PLCB1: variants seen among roughly 807,000 people sequenced by gnomAD.
PLCB1 encodes the protein 1-phosphatidylinositol 4,5-bisphosphate phosphodiesterase beta-1.
In PLCB1, 46 loss-of-function variants were observed where a neutral mutation model predicts 161.8. The ratio of observed to expected loss-of-function variants is 0.28; its 90% CI spans 0.22 to 0.36. The LOEUF (loss-of-function observed/expected upper bound fraction) is 0.36. PLCB1 is among the 10% of genes least tolerant of loss of function. The probability of loss-of-function intolerance (pLI) is 1.00; values close to 1 mark genes in which losing one functional copy is unlikely to be tolerated. For missense variants in PLCB1, 1,016 were observed against 1,472.5 expected (o/e 0.69, Z 5.07); for synonymous variants, 517 against 503.7 (o/e 1.03, Z -0.35).
In PLCB1 at chr20:8,697,623, T is replaced by C; in HGVS notation, c.1010-3T>C. ...TGGGGTTTGTTTTGTTGGTGTTTTA[T>C]AGCTGGCCAACTGGCTGGAAACTCC... is the stretch of plus-strand genomic sequence containing the variant. On this transcript the variant is annotated splice_region_variant and splice_polypyrimidine_tract_variant and intron_variant, in intron 10 of 31. Coordinates refer to ENST00000338037, the MANE Select transcript of PLCB1 (RefSeq NM_015192.4). The C allele has an allele frequency of 6.2e-7, 1 of 1,614,056 alleles. No individual in the cohort carries two copies. The highest frequency in any genetic ancestry group is 8.5e-7 in the Non-Finnish European group (1 of 1,179,930).
intron 31 of PLCB1, among the ~76,000 whole-genome samples, chr20:8,852,095 A>G (rs1986909190): frequency 1.3e-5 from 2 of 152,258 alleles, no homozygotes; most frequent in African/African-American, 4.8e-5. Flanking sequence ...GTTGCAAAAT[A>G]GGCTGCTGTC....
intron 2 of PLCB1, among the ~76,000 whole-genome samples, chr20:8,197,662 C>A (rs6055629): frequency 0.6 from 91,749 of 151,866 alleles, 29,671 homozygotes; most frequent in African/African-American, 0.86. Context: ...TCTTTAGTTT[C>A]ATTAGATCCC....
rs1370024637 is a variant in PLCB1, at chr20:8,741,472, G to A, written c.2422G>A (p.Glu808Lys). The change falls in exon 23 of 32, where the codon GAA (glutamate) becomes AAA (lysine). Residue 808 changes from glutamate (E) to lysine (K), a missense_variant. Physicochemically the swap from Glu to Lys is moderately conservative, Grantham distance 56 (BLOSUM62 1). Transcript: ENST00000338037. ...ATCTCTTCCCTATTTAGATGTCATCGAAGCTTTATCAAACCCAATCCGATA... is the reference window on the plus strand; with the variant it reads ...ATCTCTTCCCTATTTAGATGTCATCAAAGCTTTATCAAACCCAATCCGATA... The part of the protein sequence containing the change: ...YVPDTYADVI[E>K]ALSNPIRYVN... 5 of 1,611,730 alleles carry A rather than the reference G, an allele frequency of 3.1e-6. No individual in the cohort carries two copies. The highest frequency in any genetic ancestry group is 4.2e-6 in the Non-Finnish European group (5 of 1,178,038).
chr20:8,482,940 AG>A (rs1358632645), intron 3 of PLCB1, among the ~76,000 whole-genome samples: 1 of 151,830 alleles, frequency 6.6e-6, no homozygotes, highest in African/African-American at 2.4e-5. Context: ...CCTCTGCTGA[AG>A]TGGGATAGTT....
chr20:8,415,258 G>A (rs888366995), intron 3 of PLCB1, among the ~76,000 whole-genome samples: 1 of 152,126 alleles, frequency 6.6e-6, no homozygotes, highest in Non-Finnish European at 1.5e-5. Context: ...AGGGCATTAA[G>A]GTTTACTCAG....
At chr20:8,334,433 A>C (rs1000744318) in intron 2 of PLCB1, among the ~76,000 whole-genome samples, 4 of 146,758 alleles carry the variant, frequency 2.7e-5, no homozygotes, top group Non-Finnish European at 4.7e-5. Context: ...ATTCATTATA[A>C]ATATTCTTTT....
intron 2 of PLCB1, among the ~76,000 whole-genome samples, chr20:8,155,455 C>T (rs1451874743): frequency 6.6e-6 from 1 of 152,154 alleles, no homozygotes; most frequent in East Asian, 1.9e-4. Flanking sequence ...CCTTAAATTT[C>T]TACAGAGTTC....
rs1009179228 is a variant in PLCB1 at position 8,751,894 on chromosome 20, A to C, written c.2524-5152A>C. ...TCATAAAAACAAATAATGGGGGAGA[A>C]ATAAAATATTGACTTCTGCTGATTC... is the stretch of plus-strand genomic sequence containing the variant. On this transcript the variant is annotated intron_variant, in intron 23 of 31. Coordinates refer to ENST00000338037, the MANE Select transcript of PLCB1 (RefSeq NM_015192.4). The C allele has an allele frequency of 2.0e-5, 3 of 152,220 alleles. 1 individual carries two copies. Among genetic ancestry groups the C allele is most frequent in the Admixed American group, 2.0e-4 (3 of 15,280 alleles). 9.4% of individuals were successfully genotyped at this position (152,220 alleles called of 1,614,324 possible).
At chr20:8,165,911 C>T (rs1294424001) in intron 2 of PLCB1, among the ~76,000 whole-genome samples, 1 of 152,166 alleles carries the variant, frequency 6.6e-6, no homozygotes, top group East Asian at 1.9e-4. Context: ...CTTTCATTTA[C>T]AGCTGCTTTC....
chr20:8,393,940 A>C (rs1158603363), intron 3 of PLCB1, among the ~76,000 whole-genome samples: 1 of 152,112 alleles, frequency 6.6e-6, no homozygotes, highest in South Asian at 2.1e-4. Flanking sequence ...GGCCTTTTTC[A>C]TATATCTTGA....
intron 4 of PLCB1, among the ~76,000 whole-genome samples, chr20:8,643,453 C>T (rs1354531391): frequency 1.3e-5 from 2 of 152,090 alleles, no homozygotes; most frequent in Non-Finnish European, 2.9e-5. Context: ...TTTCTCTGCT[C>T]GGGATTCCCT....
chr20:8,574,421 T>A lies in PLCB1; in HGVS notation c.247-53873T>A, dbSNP rs1053061974. Among the ~76,000 whole-genome samples, 7 of 152,044 alleles carry A rather than the reference T, an allele frequency of 4.6e-5. No homozygotes were observed. In the South Asian group the frequency reaches 1.2e-3, roughly 27 times the overall value. On this transcript the variant is annotated intron_variant, in intron 3 of 31. Coordinates refer to ENST00000338037, the MANE Select transcript of PLCB1 (RefSeq NM_015192.4). The stretch of plus-strand genomic sequence containing the variant: ...CTCAAAACAAAACAAAAAAATGCTG[T>A]GTTTAAGAAGAGGGTATCTGAGGAT...
intron 4 of PLCB1, among the ~76,000 whole-genome samples, chr20:8,634,012 CA>C (rs1988684057): frequency 6.6e-6 from 1 of 152,152 alleles, no homozygotes; most frequent in Non-Finnish European, 1.5e-5. Context: ...ACTTACAGTT[CA>C]TGGGCATTCT....
intron 4 of PLCB1, among the ~76,000 whole-genome samples, chr20:8,633,101 TACACACACACACACACACACAC>T (rs58802999): frequency 7.0e-5 from 10 of 142,352 alleles, no homozygotes; most frequent in South Asian, 4.8e-4. Context: ...TGCATGTATG[TACACACACACACACACACACAC>T]ACACACACAC....
At position 8,344,751 on chromosome 20, in the gene PLCB1, C is replaced by T. The variant is rs944097737; in HGVS notation, c.178-26631C>T. ...GCCCAATGAAAATCAGGTGGTGTAA[C>T]TCACAAAGGCAATTGACTTGAACTC... On this transcript the variant is annotated intron_variant, in intron 2 of 31. Transcript: ENST00000338037. Among the ~76,000 whole-genome samples, 3 of 152,358 alleles carry T rather than the reference C, an allele frequency of 2.0e-5. No individual in the cohort carries two copies. The South Asian group carries it at 6.2e-4, about 32-fold the overall frequency.
intron 3 of PLCB1, among the ~76,000 whole-genome samples, chr20:8,584,101 C>A (rs547146800): frequency 1.3e-5 from 2 of 152,226 alleles, no homozygotes; most frequent in Admixed American, 1.3e-4. Flanking sequence ...AAGAACACTT[C>A]TAGAATTAGT....
intron 21 of PLCB1, 64 bp downstream of exon 21, chr20:8,739,424 T>C: frequency 1.0e-6 from 1 of 969,968 alleles, no homozygotes. Context: ...CTGCTTAAAA[T>C]ATTACTAGAA....
At chr20:8,813,237 T>C (rs896178136) in intron 31 of PLCB1, among the ~76,000 whole-genome samples, 3 of 152,218 alleles carry the variant, frequency 2.0e-5, no homozygotes, top group African/African-American at 7.2e-5. Context: ...AATACATTTC[T>C]CTACCAAGTC....
At chr20:8,770,138 G>A (rs1982595489) in intron 26 of PLCB1, among the ~76,000 whole-genome samples, 1 of 152,014 alleles carries the variant, frequency 6.6e-6, no homozygotes, top group South Asian at 2.1e-4. Flanking sequence ...ATTTTTAGTA[G>A]AGACGGGGTT....
Sources: gnomAD v4.1 joint callset for allele counts (sites outside exome capture counted in the v4.1 genomes callset) on GRCh38, gnomAD v4.1.1 for gene constraint, MANE v1.5 for transcripts, NCBI Gene and HGNC (gene_info 2026-07-23, HGNC 2026-07-21) for gene names.